The following ZNRF1 variants were observed in gnomAD, a reference collection of about 807,000 sequenced individuals.
ZNRF1 encodes the protein E3 ubiquitin-protein ligase ZNRF1.
In ZNRF1, 3 loss-of-function variants were observed where a neutral mutation model predicts 18.4. That is an observed-to-expected ratio of 0.16 (90% CI 0.07 to 0.42). The LOEUF is 0.42. Ranked by LOEUF, ZNRF1 falls within the 10% of genes least tolerant of loss-of-function variation. The pLI, the probability that ZNRF1 is intolerant of heterozygous loss-of-function variation, is 0.99. For synonymous variants in ZNRF1, 157 were observed against 144.2 expected (o/e 1.09, Z -0.64); for missense variants, 310 against 329.8 (o/e 0.94, Z 0.47).
intron 1 of ZNRF1, among the ~76,000 whole-genome samples, chr16:75,057,023 G>A (rs547001520): frequency 6.6e-6 from 1 of 152,236 alleles, no homozygotes; most frequent in Non-Finnish European, 1.5e-5. Context: ...TGGGTAGTTG[G>A]TATTACAGAT....
At chr16:75,007,271 T>C (rs1264893066) in intron 1 of ZNRF1, among the ~76,000 whole-genome samples, 4 of 151,702 alleles carry the variant, frequency 2.6e-5, no homozygotes, top group Non-Finnish European at 5.9e-5. Flanking sequence ...CCCAGGCTGG[T>C]CTTAAACTCC....
intron 1 of ZNRF1, among the ~76,000 whole-genome samples, chr16:75,059,364 C>T (rs144102714): frequency 6.6e-6 from 1 of 150,674 alleles, no homozygotes; most frequent in Non-Finnish European, 1.5e-5. Flanking sequence ...TCTCCTGCCT[C>T]AGCCTCCCAA....
At chr16:75,032,031 A>G (rs1270650007) in intron 1 of ZNRF1, among the ~76,000 whole-genome samples, 2 of 151,706 alleles carry the variant, frequency 1.3e-5, no homozygotes, top group Non-Finnish European at 2.9e-5. Context: ...TGATAATAGC[A>G]GTCATAGTGG....
rs1344095058 is a variant in ZNRF1 at position 75,054,640 on chromosome 16, A to G, written c.425-38932A>G. ...GCTTTTTAGCCTAAGCAGCAATTTA[A>G]TAATTTAGCAATCAGGTAATACTGG... On this transcript the variant is annotated intron_variant, in intron 1 of 4. Transcript: ENST00000335325. Among the ~76,000 whole-genome samples the G allele has an allele frequency of 3.3e-5, 5 of 152,380 alleles. No homozygotes were observed. The East Asian group carries it at 5.8e-4, about 18-fold the overall frequency.
intron 2 of ZNRF1, among the ~76,000 whole-genome samples, 195 bp downstream of exon 2, chr16:75,093,862 G>C (rs563523463): frequency 6.6e-6 from 1 of 152,292 alleles, no homozygotes; most frequent in East Asian, 1.9e-4. Context: ...AAGAGGAGTG[G>C]GACAAGGAAG....
At chr16:75,106,077 A>G (rs758984985) in intron 3 of ZNRF1, 23 of 180,638 alleles carry the variant, frequency 1.3e-4, no homozygotes, top group Non-Finnish European at 2.0e-4. Flanking sequence ...CCCTCCTGCC[A>G]TGCCATTGTT....
chr16:75,053,475 G>C (rs988159018), intron 1 of ZNRF1, among the ~76,000 whole-genome samples: 2 of 151,372 alleles, frequency 1.3e-5, no homozygotes, highest in African/African-American at 4.9e-5. Context: ...TATAGTCCCA[G>C]CTACTCAAGA....
rs370581350 is a variant in ZNRF1, at chr16:75,096,637, C to A, written c.520+2970C>A. 4.1e-4 allele frequency among the ~76,000 whole-genome samples: 63 copies of A among 152,256 alleles called. 2 individuals carry two copies. Among genetic ancestry groups the A allele is most frequent in the African/African-American group, 1.5e-3 (62 of 41,538 alleles). ...CTCCTGGTCACTCCCCTGAAGACTT[C>A]CCATTTACACACACACTTTCTGTGG... is the stretch of plus-strand genomic sequence containing the variant. On this transcript the variant is annotated intron_variant, in intron 2 of 4. Coordinates refer to ENST00000335325, the MANE Select transcript of ZNRF1 (RefSeq NM_032268.5).
At chr16:75,042,477 T>C (rs2035462370) in intron 1 of ZNRF1, among the ~76,000 whole-genome samples, 1 of 149,908 alleles carries the variant, frequency 6.7e-6, no homozygotes, top group African/African-American at 2.5e-5. Flanking sequence ...ACACACATAT[T>C]TCTAGTTGTA....
Position 74,999,709 on chromosome 16 carries a change from G to A in ZNRF1, c.38G>A (p.Gly13Asp). Residue 13 changes from glycine to aspartate, a missense_variant, in exon 1 of 5, where the codon GGC becomes GAC. Transcript: ENST00000335325. ...CAGAGCACGGCGGCCCGCTCCCGGG[G>A]CCCCTTCCCGGGGGTCTCCACCGAT... The part of the protein sequence containing the change: ...GKQSTAARSR[G>D]PFPGVSTDDS... 7.3e-7 allele frequency: 1 copy of A among 1,364,350 alleles called. No homozygotes were observed. The highest frequency in any genetic ancestry group is 9.4e-7 in the Non-Finnish European group (1 of 1,064,850). The allele number at this position is 1,364,350 out of a possible 1,614,324, so 84.5% of individuals were successfully genotyped here.
chr16:75,031,397 TG>T (rs1421964388), intron 1 of ZNRF1, among the ~76,000 whole-genome samples: 1 of 152,196 alleles, frequency 6.6e-6, no homozygotes, highest in Non-Finnish European at 1.5e-5. Context: ...CCCAAAGTGC[TG>T]GGATTACAGG....
At chr16:75,015,844 T>C (rs924918164) in intron 1 of ZNRF1, among the ~76,000 whole-genome samples, 91 of 152,244 alleles carry the variant, frequency 6.0e-4, no homozygotes, top group South Asian at 8.3e-4. Context: ...TTTTTCCATA[T>C]GTGAATAACC....
intron 1 of ZNRF1, among the ~76,000 whole-genome samples, chr16:75,044,472 C>A (rs1317355886): frequency 2.6e-5 from 4 of 152,244 alleles, no homozygotes; most frequent in Admixed American, 1.3e-4. Flanking sequence ...AGTGATCTGC[C>A]TGCCTCGGCC....
intron 1 of ZNRF1, among the ~76,000 whole-genome samples, chr16:75,073,651 GT>G (rs2035902130): frequency 6.6e-6 from 1 of 152,074 alleles, no homozygotes; most frequent in African/African-American, 2.4e-5. Flanking sequence ...TCTCAGCACT[GT>G]TTTTGGATCT....
chr16:75,103,510 CGGG>C lies in ZNRF1; in HGVS notation c.521-1270_521-1268del, dbSNP rs568821651. 1.3e-3 allele frequency among the ~76,000 whole-genome samples: 195 copies of C among 151,596 alleles called. 1 individual carries two copies. The highest frequency in any genetic ancestry group is 0.011 in the South Asian group (51 of 4,794). On this transcript the variant is annotated intron_variant, in intron 2 of 4. Transcript: ENST00000335325. ...AGACTAGTGGTGGCCAGGGGCTGGG[CGGG>C]GGGAAGGGGAGTGGTGGATTAATGG...
chr16:75,034,135 C>T (rs554989208), intron 1 of ZNRF1, among the ~76,000 whole-genome samples: 11 of 152,216 alleles, frequency 7.2e-5, no homozygotes, highest in South Asian at 4.1e-4. Flanking sequence ...CCCAGCCTCG[C>T]GACAGAGCGA....
intron 1 of ZNRF1, among the ~76,000 whole-genome samples, chr16:75,062,635 G>A (rs2035757656): frequency 1.3e-5 from 2 of 152,224 alleles, no homozygotes. Context: ...GACTGTTCCT[G>A]CGGTCCTCAG....
chr16:75,070,542 A>G (rs1179387998), intron 1 of ZNRF1, among the ~76,000 whole-genome samples: 2 of 152,138 alleles, frequency 1.3e-5, no homozygotes, highest in African/African-American at 4.8e-5. Flanking sequence ...AAGGAAACCT[A>G]TTTATTGCAG....
chr16:75,099,904 C>T (rs747664417), intron 2 of ZNRF1, among the ~76,000 whole-genome samples: 2 of 152,218 alleles, frequency 1.3e-5, no homozygotes, highest in Admixed American at 6.5e-5. Flanking sequence ...CTCTCAGGGA[C>T]ATCCGGAGGC....
Sources: allele counts gnomAD v4.1 joint callset (sites outside exome capture counted in the v4.1 genomes callset), GRCh38; gene constraint gnomAD v4.1.1; transcripts MANE v1.5; gene names NCBI Gene and HGNC (gene_info 2026-07-23, HGNC 2026-07-21).